Variants in ZNF618 observed in about 807,000 individuals in gnomAD.
The protein encoded by ZNF618 is zinc finger protein 618.
ZNF618 carries 34 observed loss-of-function variants against 103.0 expected under a neutral mutation model. The ratio of observed to expected loss-of-function variants is 0.33; its 90% CI spans 0.25 to 0.44. The LOEUF (loss-of-function observed/expected upper bound fraction) is 0.44. Ranked by LOEUF, ZNF618 falls within the 20% of genes least tolerant of loss-of-function variation. The pLI is 1.00. For missense variants in ZNF618, 1,059 were observed against 1,295.4 expected (o/e 0.82, Z 2.80); for synonymous variants, 551 against 542.2 (o/e 1.02, Z -0.23).
chr9:113,940,832 T>G (rs1170546491), intron 1 of ZNF618, among the ~76,000 whole-genome samples: 2 of 152,174 alleles, frequency 1.3e-5, no homozygotes, highest in African/African-American at 2.4e-5. Context: ...TCTTTTTGTT[T>G]TAGCTCCTGG....
In ZNF618 at chr9:113,876,315, C is replaced by T; in HGVS notation, c.-66C>T. ...CGGCGGCGGCGGCGGCGGCATTGTG[C>T]GCGCACCAGCAGCCCGGCCCGGGAG... On this transcript the variant is annotated 5_prime_UTR_variant, in exon 1 of 15. Coordinates refer to ENST00000374126, the MANE Select transcript of ZNF618 (RefSeq NM_001318042.2). 3 of 1,080,178 alleles carry T rather than the reference C, an allele frequency of 2.8e-6. No homozygotes were observed. Among genetic ancestry groups the T allele is most frequent in the South Asian group, 4.3e-5 (1 of 23,248 alleles). 66.9% of individuals were successfully genotyped at this position (1,080,178 alleles called of 1,614,324 possible).
chr9:113,914,142 A>G (rs914300229), intron 1 of ZNF618, among the ~76,000 whole-genome samples: 1 of 152,180 alleles, frequency 6.6e-6, no homozygotes, highest in Non-Finnish European at 1.5e-5. Context: ...TTATTACCCC[A>G]GGAGAGAGCT....
chr9:113,906,292 C>G (rs924873697), intron 1 of ZNF618, among the ~76,000 whole-genome samples: 1 of 152,144 alleles, frequency 6.6e-6, no homozygotes, highest in African/African-American at 2.4e-5. Context: ...GAATATGAAA[C>G]TGCTTTGAGC....
intron 1 of ZNF618, among the ~76,000 whole-genome samples, chr9:113,933,342 G>A (rs569530424): frequency 1.3e-5 from 2 of 152,178 alleles, no homozygotes; most frequent in Non-Finnish European, 2.9e-5. Context: ...GCCTCTGGTC[G>A]GGAAGGGAAA....
chr9:114,012,961 A>G (rs899655471), intron 9 of ZNF618, among the ~76,000 whole-genome samples: 1 of 151,732 alleles, frequency 6.6e-6, no homozygotes, highest in Non-Finnish European at 1.5e-5. Context: ...CTGTACCTAC[A>G]TAGATCTCAG....
rs928231492 is a variant in ZNF618, at chr9:114,028,986, A to G, written c.1084+14A>G. 2.6e-6 allele frequency: 4 copies of G among 1,546,336 alleles called. No individual in the cohort carries two copies. The South Asian group carries it at 3.6e-5, about 14-fold the overall frequency. On this transcript the variant is annotated intron_variant, in intron 11 of 14. Coordinates refer to ENST00000374126, the MANE Select transcript of ZNF618 (RefSeq NM_001318042.2). Reference sequence around the variant, plus strand: ...AGGCAACCGCAGGTACCAATGGCCTATGTGACCCCCACACTTTCTCCCCCA... The same window carrying G: ...AGGCAACCGCAGGTACCAATGGCCTGTGTGACCCCCACACTTTCTCCCCCA...
chr9:114,001,592 A>G (rs1371052981), intron 4 of ZNF618, among the ~76,000 whole-genome samples: 1 of 152,258 alleles, frequency 6.6e-6, no homozygotes, highest in Admixed American at 6.5e-5. Context: ...CATTCCGGCA[A>G]GGAAAAGGGG....
Position 114,052,903 on chromosome 9 carries a change from A to G in ZNF618, c.*2736A>G, listed in dbSNP as rs1406606627. 6.6e-6 allele frequency: 1 copy of G among 151,988 alleles called. No individual in the cohort carries two copies. Among genetic ancestry groups the G allele is most frequent in the African/African-American group, 2.4e-5 (1 of 41,356 alleles). 9.4% of individuals were successfully genotyped at this position (151,988 alleles called of 1,614,324 possible). A position where few individuals can be genotyped will look rare whatever the true frequency, so the allele number is the denominator to read the frequency against. On this transcript the variant is annotated 3_prime_UTR_variant, in exon 15 of 15. Coordinates refer to ENST00000374126, the MANE Select transcript of ZNF618 (RefSeq NM_001318042.2). ...GGAAGAGATTTGATCTTAGGTTGTT[A>G]CCTCCCTTTCACTTCTTTTCCACCT...
chr9:114,023,510 A>C (rs1843243364), intron 10 of ZNF618, among the ~76,000 whole-genome samples: 1 of 152,172 alleles, frequency 6.6e-6, no homozygotes, highest in Admixed American at 6.5e-5. Context: ...TTGTTAAAGT[A>C]ACTGAGAAAT....
At chr9:113,905,350 T>G (rs1355593737) in intron 1 of ZNF618, among the ~76,000 whole-genome samples, 2 of 152,216 alleles carry the variant, frequency 1.3e-5, no homozygotes, top group Non-Finnish European at 2.9e-5. Flanking sequence ...CTATTCAGCC[T>G]TGTTCAGCAA....
At chr9:113,960,574 G>A (rs1283175269) in intron 1 of ZNF618, among the ~76,000 whole-genome samples, 1 of 152,322 alleles carries the variant, frequency 6.6e-6, no homozygotes, top group East Asian at 1.9e-4. Flanking sequence ...TTTTAACACT[G>A]GACCTCAGAG....
chr9:113,939,425 A>G (rs4979306), intron 1 of ZNF618, among the ~76,000 whole-genome samples: 27,476 of 152,090 alleles, frequency 0.18, 3,102 homozygotes, highest in Admixed American at 0.24. Context: ...TTTTGGATCT[A>G]TATTTATGTA....
chr9:114,026,356 G>C (rs1392537087), intron 10 of ZNF618, among the ~76,000 whole-genome samples: 1 of 152,208 alleles, frequency 6.6e-6, no homozygotes, highest in Non-Finnish European at 1.5e-5. Flanking sequence ...TGTGCTTTAT[G>C]CATGTTCCTG....
Position 113,988,508 on chromosome 9 carries a change from A to G in ZNF618, c.265A>G (p.Lys89Glu). The part of the protein sequence containing the change: ...EAKEEKKAVS[K>E]DGTSDVPAEI... ...CAAGGAGGAGAAGAAGGCGGTCAGC[A>G]AGGATGGGACCAGCGACGTGCCTGC... is the stretch of plus-strand genomic sequence containing the variant. The change falls in exon 3 of 15, where the codon AAG (lysine) becomes GAG (glutamate). Residue 89 changes from lysine to glutamate, a missense_variant. By Grantham distance (56) the Lys-to-Glu change is moderately conservative. Around this residue, in one of 6 missense-constraint regions of ZNF618, gnomAD observed 194 missense variants for 209.0 expected, o/e 0.93. Transcript: ENST00000374126. 2 of 1,613,204 alleles carry G rather than the reference A, an allele frequency of 1.2e-6. No homozygotes were observed. Among genetic ancestry groups the G allele is most frequent in the Non-Finnish European group, 1.7e-6 (2 of 1,179,862 alleles).
intron 12 of ZNF618, among the ~76,000 whole-genome samples, chr9:114,033,476 G>A (rs1588415657): frequency 1.3e-5 from 2 of 152,088 alleles, no homozygotes; most frequent in Non-Finnish European, 2.9e-5. Context: ...GGAGCCACTG[G>A]AACGAAGATT....
intron 2 of ZNF618, among the ~76,000 whole-genome samples, chr9:113,982,098 AGG>A (rs1839030333): frequency 6.6e-6 from 1 of 152,260 alleles, no homozygotes; most frequent in South Asian, 2.1e-4. Context: ...AGGATTGAGC[AGG>A]AACAAAGCAG....
intron 4 of ZNF618, among the ~76,000 whole-genome samples, chr9:114,001,337 T>A (rs1463894038): frequency 1.4e-5 from 1 of 71,966 alleles, no homozygotes; most frequent in Admixed American, 1.4e-4. Context: ...ACAAGACAAC[T>A]CCTCAGCAGG....
At position 113,987,917 on chromosome 9, in the gene ZNF618, C is replaced by G. The variant is rs377085533; in HGVS notation, c.78-404C>G. On this transcript the variant is annotated intron_variant, in intron 2 of 14. Coordinates refer to ENST00000374126, the MANE Select transcript of ZNF618 (RefSeq NM_001318042.2). The stretch of plus-strand genomic sequence containing the variant: ...CATTTTTTTTCAAGATCCCCCCCAG[C>G]TGATCTGTATGCACACTGAGGTCTA... Among the ~76,000 whole-genome samples the G allele has an allele frequency of 4.8e-3, 616 of 129,602 alleles. 7 individuals are homozygous for G. Among genetic ancestry groups the G allele is most frequent in the African/African-American group, 0.016 (584 of 35,466 alleles). 85.0% of individuals were successfully genotyped at this position (129,602 alleles called of 152,430 possible). A position where few individuals can be genotyped will look rare whatever the true frequency, so the allele number is the denominator to read the frequency against.
At chr9:113,892,406 T>C (rs1408391085) in intron 1 of ZNF618, among the ~76,000 whole-genome samples, 4 of 152,140 alleles carry the variant, frequency 2.6e-5, no homozygotes, top group African/African-American at 9.7e-5. Flanking sequence ...GATGCAGCAG[T>C]TCATTTTAAT....
Sources: gnomAD v4.1 joint callset for allele counts (sites outside exome capture counted in the v4.1 genomes callset) on GRCh38, gnomAD v4.1.1 for gene constraint, gnomAD v4.1.1 regional missense constraint, MANE v1.5 for transcripts, NCBI Gene and HGNC (gene_info 2026-07-23, HGNC 2026-07-21) for gene names.